Variants in CNTNAP3B observed in about 807,000 individuals in gnomAD.
The protein encoded by CNTNAP3B is contactin-associated protein-like 3B.
In CNTNAP3B, 25 loss-of-function variants were observed where a neutral mutation model predicts 108.9. The observed-to-expected ratio is 0.23, with a 90% CI of 0.17 to 0.32. The LOEUF (loss-of-function observed/expected upper bound fraction) is 0.32, where lower values mean the gene tolerates loss of function less well. Among genes scored for constraint, CNTNAP3B ranks in the 10% least tolerant of loss-of-function variants. The pLI, the probability that CNTNAP3B is intolerant of heterozygous loss-of-function variation, is 1.00. For synonymous variants in CNTNAP3B, 103 were observed against 473.4 expected, an observed-to-expected ratio of 0.22 and a Z score of 10.16; for missense variants, 252 against 1,210.4, an observed-to-expected ratio of 0.21 and a Z score of 11.75.
intron 2 of CNTNAP3B, among the ~76,000 whole-genome samples, chr9:42,099,027 G>T (rs1444996090): frequency 7.2e-6 from 1 of 138,056 alleles, no homozygotes; most frequent in Admixed American, 7.2e-5. Context: ...TAGTTTCCCT[G>T]CTTTACTCTT....
intron 14 of CNTNAP3B, among the ~76,000 whole-genome samples, chr9:41,932,897 T>A (rs1244275735): frequency 2.0e-5 from 3 of 152,290 alleles, no homozygotes; most frequent in Non-Finnish European, 4.4e-5. Context: ...ACTTAAAAAA[T>A]TTCTAGATTC....
At chr9:41,934,899 C>T (rs1588049533) in intron 14 of CNTNAP3B, among the ~76,000 whole-genome samples, 1 of 152,292 alleles carries the variant, frequency 6.6e-6, no homozygotes, top group East Asian at 1.9e-4. Context: ...TTTGTGGTTA[C>T]TTTTAAAGAC....
intron 3 of CNTNAP3B, among the ~76,000 whole-genome samples, chr9:42,044,405 T>G (rs1296951413): frequency 6.7e-6 from 1 of 149,054 alleles, no homozygotes; most frequent in African/African-American, 2.5e-5. Context: ...ATCTGAGTTG[T>G]CACCATCAAA....
chr9:41,958,623 C>G (rs1451410314), intron 12 of CNTNAP3B, among the ~76,000 whole-genome samples: 1 of 151,836 alleles, frequency 6.6e-6, no homozygotes, highest in African/African-American at 2.4e-5. Context: ...TCAGCCCTCC[C>G]TCCCATCACC....
intron 11 of CNTNAP3B, among the ~76,000 whole-genome samples, chr9:41,963,396 G>A (rs1477041683): frequency 2.6e-5 from 4 of 151,370 alleles, no homozygotes; most frequent in Admixed American, 6.6e-5. Context: ...GAAAAAAAAG[G>A]CTTTTCAGAT....
chr9:42,038,498 G>T (rs1587220596), intron 3 of CNTNAP3B, among the ~76,000 whole-genome samples: 1 of 103,502 alleles, frequency 9.7e-6, no homozygotes, highest in Admixed American at 1.0e-4. Context: ...AGATAAAACA[G>T]ACTTTAAACC....
chr9:42,024,683 A>AG (rs1826384896), intron 3 of CNTNAP3B, among the ~76,000 whole-genome samples: 3 of 124,072 alleles, frequency 2.4e-5, no homozygotes, highest in Admixed American at 8.2e-5. Flanking sequence ...AAAAAAAAAA[A>AG]AGAAAAAAAA....
At chr9:42,117,401 T>G (rs1354126652) in intron 1 of CNTNAP3B, among the ~76,000 whole-genome samples, 1 of 136,420 alleles carries the variant, frequency 7.3e-6, no homozygotes, top group African/African-American at 2.9e-5. Context: ...ACATGGAAAC[T>G]GAACAACCTG....
chr9:41,931,064 T>G (rs1330663692), intron 14 of CNTNAP3B, among the ~76,000 whole-genome samples: 94 of 152,374 alleles, frequency 6.2e-4, no homozygotes, highest in Non-Finnish European at 1.2e-3. Context: ...AAATACTGTA[T>G]TTTTTAAATT....
At position 41,953,455 on chromosome 9, in the gene CNTNAP3B, C is replaced by A. The variant is rs1476121127; in HGVS notation, c.1877-69G>T. 2.2e-5 allele frequency: 33 copies of A among 1,517,938 alleles called. No homozygotes were observed. In the East Asian group the frequency reaches 2.2e-4, roughly 10 times the overall value. 94.0% of individuals were successfully genotyped at this position (1,517,938 alleles called of 1,614,324 possible). On this transcript the variant is annotated intron_variant, in intron 12 of 23. Transcript: ENST00000377561. ...CGCCAGCAGCAAGAGGCAAAGCAGA[C>A]CTTTTATGTGAATTAACGTTTAATT...
chr9:42,041,328 A>G (rs913444606), intron 3 of CNTNAP3B, among the ~76,000 whole-genome samples: 3 of 149,574 alleles, frequency 2.0e-5, no homozygotes, highest in Admixed American at 6.7e-5. Context: ...AAATTTTTGC[A>G]ATCTACCCAT....
At position 42,113,627 on chromosome 9, in the gene CNTNAP3B, T is replaced by A. The variant is rs1472505694; in HGVS notation, c.86-8888A>T. On this transcript the variant is annotated intron_variant, in intron 1 of 23. Coordinates refer to ENST00000377561, the MANE Select transcript of CNTNAP3B (RefSeq NM_001201380.3). ...TTGTTATTACAAATGTATCCACAGC[T>A]GTGGGAATATAAGTGATAAAGATGA... 1.4e-5 allele frequency among the ~76,000 whole-genome samples: 2 copies of A among 139,946 alleles called. 1 individual carries two copies. The highest frequency in any genetic ancestry group is 4.3e-4 in the East Asian group (2 of 4,628). The allele number at this position is 139,946 out of a possible 152,430, so 91.8% of individuals were successfully genotyped here. A position where few individuals can be genotyped will look rare whatever the true frequency, so the allele number is the denominator to read the frequency against.
At position 42,002,919 on chromosome 9, in the gene CNTNAP3B, C is replaced by T. The variant is rs1335146605; in HGVS notation, c.539-4315G>A. On this transcript the variant is annotated intron_variant, in intron 4 of 23. Coordinates refer to ENST00000377561, the MANE Select transcript of CNTNAP3B (RefSeq NM_001201380.3). ...TACTTTTATTAGAAACAGAGACTCA[C>T]TCCGTTGCCCATGCTGTAGTGCAGT... 2.6e-4 allele frequency among the ~76,000 whole-genome samples: 34 copies of T among 128,836 alleles called. 2 individuals carry two copies. Among genetic ancestry groups the T allele is most frequent in the Admixed American group, 2.6e-3 (33 of 12,742 alleles). The allele number at this position is 128,836 out of a possible 152,430, so 84.5% of individuals were successfully genotyped here.
intron 13 of CNTNAP3B, among the ~76,000 whole-genome samples, chr9:41,941,933 AG>A (rs1484800448): frequency 6.6e-6 from 1 of 152,216 alleles, no homozygotes; most frequent in African/African-American, 2.4e-5. Context: ...TGTCTCCAGC[AG>A]GGGGAGGGAA....
intron 10 of CNTNAP3B, among the ~76,000 whole-genome samples, chr9:41,967,556 C>T (rs1478530777): frequency 2.6e-5 from 4 of 152,256 alleles, no homozygotes; most frequent in Admixed American, 2.6e-4. Flanking sequence ...TGTTTGTTAA[C>T]AACAACAAAG....
intron 9 of CNTNAP3B, among the ~76,000 whole-genome samples, chr9:41,972,832 A>C (rs1362727391): frequency 1.4e-5 from 2 of 137,956 alleles, no homozygotes; most frequent in Non-Finnish European, 3.1e-5. Context: ...TAAGAGGATT[A>C]TTAATTCAAT....
intron 17 of CNTNAP3B, among the ~76,000 whole-genome samples, chr9:41,921,936 G>A (rs1823680391): frequency 7.2e-6 from 1 of 139,802 alleles, no homozygotes; most frequent in African/African-American, 2.8e-5. Flanking sequence ...CCAATTACAA[G>A]CTCTCTAACT....
rs1439691808 is a variant in CNTNAP3B, at chr9:41,995,726, G to A, written c.1071+479C>T. 3.9e-5 allele frequency among the ~76,000 whole-genome samples: 3 copies of A among 77,444 alleles called. 1 individual carries two copies. Among genetic ancestry groups the A allele is most frequent in the South Asian group, 4.4e-4 (1 of 2,260 alleles). 50.8% of individuals were successfully genotyped at this position (77,444 alleles called of 152,430 possible). A position where few individuals can be genotyped will look rare whatever the true frequency, so the allele number is the denominator to read the frequency against. On this transcript the variant is annotated intron_variant, in intron 7 of 23. Coordinates refer to ENST00000377561, the MANE Select transcript of CNTNAP3B (RefSeq NM_001201380.3). ...AGTCTGGGTGACAGAGTGAGACTCCGTCTCAAAAAAAAAAAAAAAAAAAAA... is the reference window on the plus strand; with the variant it reads ...AGTCTGGGTGACAGAGTGAGACTCCATCTCAAAAAAAAAAAAAAAAAAAAA...
At chr9:42,112,914 G>A (rs1290457166) in intron 1 of CNTNAP3B, among the ~76,000 whole-genome samples, 1 of 116,512 alleles carries the variant, frequency 8.6e-6, no homozygotes, top group Non-Finnish European at 1.7e-5. Context: ...CTGTCGCCCA[G>A]GCTAAATTTT....
Sources: gnomAD v4.1 joint callset for allele counts (sites outside exome capture counted in the v4.1 genomes callset) on GRCh38, gnomAD v4.1.1 for gene constraint, MANE v1.5 for transcripts, NCBI Gene and HGNC (gene_info 2026-07-23, HGNC 2026-07-21) for gene names.